Variants in KLRG1 observed in about 807,000 individuals in gnomAD.
KLRG1 encodes the protein killer cell lectin like receptor G1.
A neutral mutation model predicts 21.8 loss-of-function variants in KLRG1; 16 were observed. That is an observed-to-expected ratio of 0.73 (90% CI 0.50 to 1.11). The LOEUF is 1.11. Among genes scored for constraint, KLRG1 ranks in the 50% most tolerant of loss-of-function variants. KLRG1 has a pLI of 0.00. For synonymous variants in KLRG1, 69 were observed against 75.9 expected, an observed-to-expected ratio of 0.91 and a Z score of 0.47; for missense variants, 173 against 218.3, an observed-to-expected ratio of 0.79 and a Z score of 1.31.
At chr12:9,197,214 C>T in the KLRG1 span, 1 of 837,252 alleles carries the variant, frequency 1.2e-6, no homozygotes, top group South Asian at 1.5e-5. Context: ...TTTAGAGTTG[C>T]CTACACATCT....
the KLRG1 span, chr12:9,095,079 C>G: frequency 1.3e-6 from 2 of 1,547,396 alleles, no homozygotes; most frequent in South Asian, 2.5e-5. Context: ...CCTTTAAGCC[C>G]ATGTCCTGCA....
At chr12:9,109,209 C>T in the KLRG1 span, 10 of 725,768 alleles carry the variant, frequency 1.4e-5, no homozygotes, top group Non-Finnish European at 1.9e-5. Context: ...GCTGTCAAAG[C>T]ACTTAAAATT....
At chr12:9,203,678 G>C in the KLRG1 span, 1 of 1,452,032 alleles carries the variant, frequency 6.9e-7, no homozygotes, top group Non-Finnish European at 9.5e-7. Flanking sequence ...TCATACCTTG[G>C]GATCGCACAC....
the KLRG1 span, among the ~76,000 whole-genome samples, chr12:9,167,764 G>A: frequency 2.0e-5 from 3 of 151,848 alleles, no homozygotes; most frequent in Admixed American, 6.6e-5. Context: ...ATTATATGCC[G>A]TCAATTTTCC....
At chr12:8,991,130 G>A (rs1946953101) in intron 1 of KLRG1, among the ~76,000 whole-genome samples, 1 of 152,108 alleles carries the variant, frequency 6.6e-6, no homozygotes, top group South Asian at 2.1e-4. Context: ...ATGTTATTAA[G>A]CAAAGGAATC....
Position 8,995,383 on chromosome 12 carries a change from G to A in KLRG1, c.357+95G>A, listed in dbSNP as rs1947100178. 8 of 1,044,816 alleles carry A rather than the reference G, an allele frequency of 7.7e-6. No individual in the cohort carries two copies. The East Asian group carries it at 1.8e-4, about 24-fold the overall frequency. 64.7% of individuals were successfully genotyped at this position (1,044,816 alleles called of 1,614,324 possible). A position where few individuals can be genotyped will look rare whatever the true frequency, so the allele number is the denominator to read the frequency against. On this transcript the variant is annotated intron_variant, in intron 3 of 4. Transcript: ENST00000356986. ...AAATGTATCATGTATCCTCTTTTAA[G>A]GAACAGAAGGAATCTGTGATTTGGG...
the KLRG1 span, among the ~76,000 whole-genome samples, chr12:9,086,762 A>G: frequency 1.3e-5 from 2 of 152,238 alleles, no homozygotes; most frequent in South Asian, 4.1e-4. Context: ...ATTTATTTTC[A>G]AAGTAGCACT....
At chr12:9,163,427 T>C in the KLRG1 span, among the ~76,000 whole-genome samples, 1 of 151,224 alleles carries the variant, frequency 6.6e-6, no homozygotes, top group African/African-American at 2.4e-5. Flanking sequence ...CACTTCAGCC[T>C]GTGCAACAGA....
chr12:9,163,856 C>G, the KLRG1 span: 13 of 1,518,492 alleles, frequency 8.6e-6, no homozygotes, highest in East Asian at 2.9e-4. Flanking sequence ...AAGGGCTGCA[C>G]CTTAAACTTA....
chr12:9,107,747 A>G, the KLRG1 span: 8 of 1,366,758 alleles, frequency 5.9e-6, no homozygotes, highest in African/African-American at 4.3e-5. Flanking sequence ...CCCTGTCTGT[A>G]CTTCCCTCTG....
At chr12:8,972,475 T>TAAGTTG (rs1946587149) in intron 1 of KLRG1, among the ~76,000 whole-genome samples, 1 of 152,232 alleles carries the variant, frequency 6.6e-6, no homozygotes, top group African/African-American at 2.4e-5. Flanking sequence ...TAATCCATTT[T>TAAGTTG]AAGTTGAATT....
At chr12:8,953,398 G>A (rs894132042) in intron 1 of KLRG1, among the ~76,000 whole-genome samples, 27 of 152,202 alleles carry the variant, frequency 1.8e-4, no homozygotes, top group Admixed American at 1.4e-3. Context: ...AGGTGGGCAC[G>A]ACAGTGTAGA....
chr12:9,161,049 A>G, the KLRG1 span: 1 of 1,595,102 alleles, frequency 6.3e-7, no homozygotes, highest in Middle Eastern at 1.7e-4. Flanking sequence ...CTGAGAAAGA[A>G]GCTCTGGCAG....
chr12:9,042,935 G>A, the KLRG1 span, among the ~76,000 whole-genome samples: 6 of 152,276 alleles, frequency 3.9e-5, no homozygotes, highest in African/African-American at 1.2e-4. Flanking sequence ...GAGGAATGGC[G>A]ATGTGTTCCC....
At chr12:8,969,116 G>T (rs1946526293) in intron 1 of KLRG1, among the ~76,000 whole-genome samples, 1 of 152,202 alleles carries the variant, frequency 6.6e-6, no homozygotes, top group Non-Finnish European at 1.5e-5. Context: ...GGCTCCAGTG[G>T]TTGAGGGGCC....
the KLRG1 span, among the ~76,000 whole-genome samples, chr12:9,207,767 TACAATTA>T: frequency 6.6e-6 from 1 of 152,220 alleles, no homozygotes; most frequent in African/African-American, 2.4e-5. Context: ...AAAGAAGTCT[TACAATTA>T]TTGAGTTGTA....
intron 3 of KLRG1, among the ~76,000 whole-genome samples, chr12:9,008,365 A>G (rs1452192399): frequency 6.6e-6 from 1 of 152,260 alleles, no homozygotes; most frequent in African/African-American, 2.4e-5. Context: ...TTGCTACATT[A>G]TAAGAATCCA....
the KLRG1 span, chr12:9,089,356 A>G: frequency 8.2e-6 from 7 of 856,322 alleles, no homozygotes; most frequent in African/African-American, 1.7e-5. Flanking sequence ...AAGGATTTGA[A>G]CTGTATTATC....
At chr12:9,042,138 G>C in the KLRG1 span, among the ~76,000 whole-genome samples, 62 of 152,286 alleles carry the variant, frequency 4.1e-4, no homozygotes, top group African/African-American at 1.4e-3. Flanking sequence ...GGCTAAGGAA[G>C]TATCTACCTA....
Sources: gnomAD v4.1 joint callset for allele counts (sites outside exome capture counted in the v4.1 genomes callset) on GRCh38, gnomAD v4.1.1 for gene constraint, MANE v1.5 for transcripts, NCBI Gene and HGNC (gene_info 2026-07-23, HGNC 2026-07-21) for gene names.